Variants in RAF1 observed in about 807,000 individuals in gnomAD.
The protein encoded by RAF1 is Raf-1 proto-oncogene, serine/threonine kinase, also known as RAF proto-oncogene serine/threonine-protein kinase.
A neutral mutation model predicts 81.1 loss-of-function variants in RAF1; 27 were observed. The ratio of observed to expected loss-of-function variants is 0.33; its 90% CI spans 0.25 to 0.46. RAF1 has a LOEUF of 0.46. Among genes scored for constraint, RAF1 ranks in the 20% least tolerant of loss-of-function variants. RAF1 has a pLI of 1.00. For missense variants in RAF1, 598 were observed against 826.0 expected, an observed-to-expected ratio of 0.72 and a Z score of 3.38; for synonymous variants, 298 against 294.0, an observed-to-expected ratio of 1.01 and a Z score of -0.14.
chr3:12,606,694 G>A (rs1361049630), intron 5 of RAF1, among the ~76,000 whole-genome samples: 1 of 151,676 alleles, frequency 6.6e-6, no homozygotes, highest in Non-Finnish European at 1.5e-5. Context: ...ACCATGCCCA[G>A]CTAATTTTCG....
At chr3:12,644,814 AGGC>A (rs1290992312) in intron 1 of RAF1, among the ~76,000 whole-genome samples, 2 of 152,092 alleles carry the variant, frequency 1.3e-5, no homozygotes, top group Admixed American at 6.6e-5. Flanking sequence ...AAAAATATTA[AGGC>A]GGCCAGGCGT....
chr3:12,591,925 ATTTTT>A (rs34541887), intron 11 of RAF1, 133 bp from the exon 11 acceptor site: 3 of 645,546 alleles, frequency 4.6e-6, no homozygotes, highest in Non-Finnish European at 8.3e-6. Context: ...CAAATTTCCA[ATTTTT>A]TTTTTTTTTT....
chr3:12,643,493 C>T (rs948302466), intron 1 of RAF1, among the ~76,000 whole-genome samples: 5 of 152,100 alleles, frequency 3.3e-5, no homozygotes, highest in Non-Finnish European at 7.4e-5. Context: ...GTAATCCCAG[C>T]ACTTTGAGAG....
chr3:12,649,476 C>A (rs1410911756), intron 1 of RAF1, among the ~76,000 whole-genome samples: 2 of 151,892 alleles, frequency 1.3e-5, no homozygotes, highest in Non-Finnish European at 2.9e-5. Context: ...ACACATGCCT[C>A]TAGTCTCAGC....
At chr3:12,600,551 A>C (rs1251933164) in intron 8 of RAF1, 136 bp from the exon 8 acceptor site, 3 of 930,694 alleles carry the variant, frequency 3.2e-6, no homozygotes, top group Non-Finnish European at 3.4e-6. Flanking sequence ...TCCTAAACAT[A>C]CTCTAATCAA....
chr3:12,620,205 G>C (rs748301564), intron 1 of RAF1, among the ~76,000 whole-genome samples: 15 of 151,816 alleles, frequency 9.9e-5, no homozygotes, highest in African/African-American at 3.4e-4. Flanking sequence ...GTAGTGGCGC[G>C]ATCTTGGCTC....
At position 12,606,234 on chromosome 3, in the gene RAF1, C is replaced by T. The variant is rs761703202; in HGVS notation, c.647G>A (p.Arg216His). 2 of 1,613,866 alleles carry T rather than the reference C, an allele frequency of 1.2e-6. No homozygotes were observed. The highest frequency in any genetic ancestry group is 1.1e-5 in the South Asian group (1 of 91,072). Residue 216 changes from arginine (R) to histidine (H), a missense_variant, in exon 6 of 18, where the codon CGT (arginine) becomes CAT (histidine). By Grantham distance (29) the Arg-to-His change is conservative. Transcript: ENST00000442415. ...CATCCTGGAAACAGACTCTCGCATA[C>T]GACGCATAGTCAAAGAAGGTAGTGC...
chr3:12,650,396 T>C (rs1307515542), intron 1 of RAF1, among the ~76,000 whole-genome samples: 2 of 152,160 alleles, frequency 1.3e-5, no homozygotes, highest in African/African-American at 4.8e-5. Context: ...TATAATCTTG[T>C]TATAATCCAT....
Position 12,609,286 on chromosome 3 carries a change from C to T in RAF1, c.370G>A (p.Glu124Lys), listed in dbSNP as rs1060503153. 1 of 1,613,836 alleles carries T rather than the reference C, an allele frequency of 6.2e-7. No homozygotes were observed. Among genetic ancestry groups the T allele is most frequent in the Non-Finnish European group, 8.5e-7 (1 of 1,179,776 alleles). Residue 124 changes from glutamate to lysine, a missense_variant, in exon 4 of 18, where the codon GAA becomes AAA. Transcript: ENST00000442415. ...TCCAGGAAATCTACTTGAAGTTCTT[C>T]TCCAATCAAAGACGCAGCATCAGTA...
chr3:12,610,988 A>G (rs2059190044), intron 3 of RAF1, among the ~76,000 whole-genome samples: 1 of 152,180 alleles, frequency 6.6e-6, no homozygotes, highest in African/African-American at 2.4e-5. Context: ...AGCAGGGATT[A>G]GTACACATTT....
Position 12,655,004 on chromosome 3 carries a change from C to G in RAF1, c.-27+8809G>C, listed in dbSNP as rs575661632. On this transcript the variant is annotated intron_variant, in intron 1 of 17. Coordinates refer to ENST00000442415, the MANE Select transcript of RAF1 (RefSeq NM_001354689.3). ...CAACCTGGTAAACATAGTGAGACCCCCCCCCCGCCATCTCTAAAATAGTAA... is the reference window on the plus strand; with the variant it reads ...CAACCTGGTAAACATAGTGAGACCCGCCCCCCGCCATCTCTAAAATAGTAA... 1.0e-3 allele frequency among the ~76,000 whole-genome samples: 153 copies of G among 145,842 alleles called. 2 individuals carry two copies. The highest frequency in any genetic ancestry group is 3.6e-3 in the African/African-American group (146 of 40,434).
rs1575572039 is a variant in RAF1, at chr3:12,603,659, CAAGAG to C, written c.835-127_835-123del. 18 of 546,544 alleles carry C rather than the reference CAAGAG, an allele frequency of 3.3e-5. No individual in the cohort carries two copies. The East Asian group carries it at 5.3e-4, about 16-fold the overall frequency. The allele number at this position is 546,544 out of a possible 1,614,324, so 33.9% of individuals were successfully genotyped here. ...AACCAATAGGACATAACCAAAAAGCCAAGAGAAGAAAAAGCAGTTCAAAAACACTA... is the reference window on the plus strand; with the variant it reads ...AACCAATAGGACATAACCAAAAAGCCAAGAAAAAGCAGTTCAAAAACACTA... On this transcript the variant is annotated intron_variant, in intron 7 of 17. Transcript: ENST00000442415.
At position 12,654,518 on chromosome 3, in the gene RAF1, C is replaced by T. The variant is rs545011452; in HGVS notation, c.-27+9295G>A. Among the ~76,000 whole-genome samples, 15 of 151,708 alleles carry T rather than the reference C, an allele frequency of 9.9e-5. No homozygotes were observed. The East Asian group carries it at 3.1e-3, about 31-fold the overall frequency. On this transcript the variant is annotated intron_variant, in intron 1 of 17. Coordinates refer to ENST00000442415, the MANE Select transcript of RAF1 (RefSeq NM_001354689.3). Reference sequence around the variant, plus strand: ...TCAGCAGGTTCAGGAGGGAAGATGGCTTGTGCCTGGGAGGTCAAGGCTACG... The same window carrying T: ...TCAGCAGGTTCAGGAGGGAAGATGGTTTGTGCCTGGGAGGTCAAGGCTACG...
chr3:12,604,004 C>G, intron 7 of RAF1, 132 bp downstream of exon 7: 1 of 1,004,492 alleles, frequency 1.0e-6, no homozygotes, highest in South Asian at 1.4e-5. Flanking sequence ...ATAAAATAAA[C>G]TGTAAAAGTC....
intron 12 of RAF1, 60 bp downstream of exon 11, chr3:12,591,648 A>G: frequency 4.1e-6 from 6 of 1,447,466 alleles, no homozygotes; most frequent in South Asian, 2.3e-5. Flanking sequence ...CTAACTCTAC[A>G]GTCCTTGTAC....
At chr3:12,585,527 C>T in intron 15 of RAF1, 154 bp downstream of exon 14, 1 of 867,726 alleles carries the variant, frequency 1.2e-6, no homozygotes, top group Non-Finnish European at 1.4e-6. Flanking sequence ...ACAGCTTCCT[C>T]AAGAAAATCT....
At chr3:12,606,657 A>G (rs5746207) in intron 5 of RAF1, among the ~76,000 whole-genome samples, 62,150 of 151,604 alleles carry the variant, frequency 0.41, 13,274 homozygotes, top group African/African-American at 0.46. Flanking sequence ...TCAGCCTCCC[A>G]AGTAGCTGGG....
chr3:12,609,719 G>A (rs574746639), intron 3 of RAF1, among the ~76,000 whole-genome samples: 9 of 152,230 alleles, frequency 5.9e-5, no homozygotes, highest in Non-Finnish European at 1.0e-4. Context: ...GGCCTCAAGC[G>A]GTCCTCCTGC....
chr3:12,650,145 C>CAAAA (rs36098034), intron 1 of RAF1, among the ~76,000 whole-genome samples: 21 of 76,950 alleles, frequency 2.7e-4, no homozygotes, highest in Admixed American at 4.7e-4. Flanking sequence ...GACTCCATCT[C>CAAAA]AAAAAAAAAA....
Sources: gnomAD v4.1 joint callset for allele counts (sites outside exome capture counted in the v4.1 genomes callset) on GRCh38, gnomAD v4.1.1 for gene constraint, MANE v1.5 for transcripts, NCBI Gene and HGNC (gene_info 2026-07-23, HGNC 2026-07-21) for gene names.